WDFY1: variants seen among roughly 807,000 people sequenced by gnomAD.
WDFY1 encodes the protein WD repeat and FYVE domain-containing protein 1.
Under a neutral mutation model 56.4 loss-of-function variants are expected in WDFY1, and 32 were observed. The ratio of observed to expected loss-of-function variants is 0.57; its 90% CI spans 0.43 to 0.76. WDFY1 has a LOEUF of 0.76. Ranked by LOEUF, WDFY1 falls within the 30% of genes least tolerant of loss-of-function variation. The pLI, the probability that WDFY1 is intolerant of heterozygous loss-of-function variation, is 0.00. For missense variants in WDFY1, 480 were observed against 545.7 expected, an observed-to-expected ratio of 0.88 and a Z score of 1.20; for synonymous variants, 192 against 197.3, an observed-to-expected ratio of 0.97 and a Z score of 0.23.
intron 3 of WDFY1, 36 bp from the exon 4 acceptor site, chr2:223,906,037 G>C: frequency 2.1e-6 from 3 of 1,463,338 alleles, no homozygotes; most frequent in Non-Finnish European, 2.8e-6. Flanking sequence ...AATTAAAAGA[G>C]TTATGGTTTT....
Position 223,894,286 on chromosome 2 carries a change from C to G in WDFY1, c.779G>C (p.Cys260Ser). 20 of 1,614,230 alleles carry G rather than the reference C, an allele frequency of 1.2e-5. No individual in the cohort carries two copies. Among genetic ancestry groups the G allele is most frequent in the Non-Finnish European group, 1.7e-5 (20 of 1,180,022 alleles). Residue 260 changes from cysteine to serine, a missense_variant, in exon 8 of 12, where the codon TGT becomes TCT. Cys to Ser is a moderately radical substitution (Grantham distance 112, BLOSUM62 -1). Transcript: ENST00000233055. ...YLQLTRQLVS[C>S]SSDGGIAVWN... ...CACTGCAATTCCGCCGTCCGAGGAA[C>G]AGGAGACGAGCTGCCTGGTGAGCTG...
intron 1 of WDFY1, among the ~76,000 whole-genome samples, chr2:223,921,008 C>T (rs933182959): frequency 1.3e-5 from 2 of 152,094 alleles, no homozygotes; most frequent in African/African-American, 2.4e-5. Flanking sequence ...TCAAACTGAT[C>T]AGAGACCAGA....
At chr2:223,893,354 CA>C (rs557812473) in intron 8 of WDFY1, among the ~76,000 whole-genome samples, 535 of 108,720 alleles carry the variant, frequency 4.9e-3, no homozygotes, top group Middle Eastern at 0.015. Flanking sequence ...CTGTCTCTAC[CA>C]AAAAAAAAAA....
chr2:223,924,882 A>ACAAC (rs1693952663), intron 1 of WDFY1, among the ~76,000 whole-genome samples: 1 of 34,732 alleles, frequency 2.9e-5, no homozygotes, highest in African/African-American at 7.5e-5. Context: ...ATTGTAAATT[A>ACAAC]GAACTATTTG....
chr2:223,893,331 A>G (rs1410376455), intron 8 of WDFY1, among the ~76,000 whole-genome samples: 2 of 151,134 alleles, frequency 1.3e-5, no homozygotes, highest in Non-Finnish European at 2.9e-5. Flanking sequence ...AGCCTAGACG[A>G]TACAGCAAGA....
At chr2:223,899,384 G>A in intron 5 of WDFY1, 2 of 260,074 alleles carry the variant, frequency 7.7e-6, no homozygotes, top group Non-Finnish European at 1.5e-5. Flanking sequence ...AAAAAGAGCT[G>A]GTAGGGCAGA....
chr2:223,904,124 T>C (rs528201556), intron 4 of WDFY1, among the ~76,000 whole-genome samples: 1 of 152,370 alleles, frequency 6.6e-6, no homozygotes, highest in South Asian at 2.1e-4. Flanking sequence ...AATAACACCA[T>C]AATGCTAGTA....
intron 2 of WDFY1, among the ~76,000 whole-genome samples, chr2:223,912,674 G>A (rs1219443298): frequency 1.3e-5 from 2 of 152,092 alleles, no homozygotes; most frequent in Non-Finnish European, 2.9e-5. Context: ...AGGTCATCCC[G>A]CCCCTGCCAC....
At chr2:223,892,620 A>C (rs1693298004) in intron 8 of WDFY1, among the ~76,000 whole-genome samples, 3 of 152,242 alleles carry the variant, frequency 2.0e-5, no homozygotes, top group Non-Finnish European at 4.4e-5. Context: ...CTTCTACTGG[A>C]ATATGCTAAA....
chr2:223,901,946 T>C (rs1287234264), intron 4 of WDFY1, among the ~76,000 whole-genome samples: 1 of 152,264 alleles, frequency 6.6e-6, no homozygotes, highest in Admixed American at 6.5e-5. Context: ...GAAGGTATTC[T>C]GTCTGTTACC....
In WDFY1 at chr2:223,924,946, T is replaced by C. The variant is rs143902804; in HGVS notation, c.138-6936A>G. 2.1e-3 allele frequency among the ~76,000 whole-genome samples: 317 copies of C among 152,178 alleles called. 1 individual carries two copies. The highest frequency in any genetic ancestry group is 0.01 in the Middle Eastern group (3 of 294). ...AACAAATACACCTGCCCAATAATAA[T>C]GACAACAACACTAATGATAAACTTT... is the stretch of plus-strand genomic sequence containing the variant. On this transcript the variant is annotated intron_variant, in intron 1 of 11. Transcript: ENST00000233055.
chr2:223,892,131 T>C (rs1244444286), intron 8 of WDFY1, among the ~76,000 whole-genome samples: 1 of 152,026 alleles, frequency 6.6e-6, no homozygotes, highest in Non-Finnish European at 1.5e-5. Context: ...CCTGCCACCA[T>C]GCCTGGCTAA....
chr2:223,932,866 A>AG (rs1371634702), intron 1 of WDFY1, among the ~76,000 whole-genome samples: 1 of 101,892 alleles, frequency 9.8e-6, no homozygotes, highest in Non-Finnish European at 2.0e-5. Context: ...CAGGGGATAC[A>AG]GGAAAAAAAA....
chr2:223,921,879 G>C (rs1018116486), intron 1 of WDFY1, among the ~76,000 whole-genome samples: 3 of 152,142 alleles, frequency 2.0e-5, no homozygotes, highest in Non-Finnish European at 2.9e-5. Flanking sequence ...CCACAGTCTA[G>C]GTCCCATCTT....
At chr2:223,937,990 A>G (rs917155247) in intron 1 of WDFY1, among the ~76,000 whole-genome samples, 7 of 152,190 alleles carry the variant, frequency 4.6e-5, no homozygotes, top group Non-Finnish European at 8.8e-5. Flanking sequence ...ATCTTAATAA[A>G]CTTAGATATA....
chr2:223,916,256 C>G (rs1243583232), intron 2 of WDFY1, among the ~76,000 whole-genome samples: 1 of 152,132 alleles, frequency 6.6e-6, no homozygotes, highest in African/African-American at 2.4e-5. Flanking sequence ...AATCTAAATG[C>G]TGCATGCACA....
At chr2:223,942,207 G>A (rs536796613) in intron 1 of WDFY1, among the ~76,000 whole-genome samples, 4 of 151,976 alleles carry the variant, frequency 2.6e-5, no homozygotes, top group South Asian at 2.1e-4. Flanking sequence ...ATATTTGACC[G>A]AATAAAGGCT....
At chr2:223,928,900 AG>A (rs112122194) in intron 1 of WDFY1, among the ~76,000 whole-genome samples, 3 of 152,182 alleles carry the variant, frequency 2.0e-5, no homozygotes, top group African/African-American at 4.8e-5. Context: ...ATGTTATTGC[AG>A]GGGGGGTGAG....
At chr2:223,939,653 A>C (rs754221209) in intron 1 of WDFY1, among the ~76,000 whole-genome samples, 8 of 152,174 alleles carry the variant, frequency 5.3e-5, no homozygotes, top group Admixed American at 2.6e-4. Flanking sequence ...AAACCATCAG[A>C]TCTCCTGAGA....
Sources: allele counts gnomAD v4.1 joint callset (sites outside exome capture counted in the v4.1 genomes callset), GRCh38; gene constraint gnomAD v4.1.1; transcripts MANE v1.5; gene names NCBI Gene and HGNC (gene_info 2026-07-23, HGNC 2026-07-21).